Variants in NAV2 observed in about 807,000 individuals in gnomAD.
NAV2 encodes neuron navigator 2.
Under a neutral mutation model 223.2 loss-of-function variants are expected in NAV2, and 54 were observed. That is an observed-to-expected ratio of 0.24 (90% CI 0.19 to 0.30). The LOEUF (loss-of-function observed/expected upper bound fraction) is 0.30, where lower values mean the gene tolerates loss of function less well. Ranked by LOEUF, NAV2 falls within the 10% of genes least tolerant of loss-of-function variation. The pLI is 1.00. For synonymous variants in NAV2, 1,279 were observed against 1,239.3 expected (o/e 1.03, Z -0.67); for missense variants, 2,806 against 3,147.5 (o/e 0.89, Z 2.60).
At chr11:20,052,880 A>G (rs553163601) in intron 17 of NAV2, among the ~76,000 whole-genome samples, 44 of 152,182 alleles carry the variant, frequency 2.9e-4, no homozygotes, top group African/African-American at 1.1e-3. Context: ...GTCACTCCAT[A>G]ATATATAAGT....
intron 1 of NAV2, among the ~76,000 whole-genome samples, chr11:19,401,581 G>A (rs1849687594): frequency 6.6e-6 from 1 of 152,194 alleles, no homozygotes; most frequent in Non-Finnish European, 1.5e-5. Context: ...GCAGTTGAAG[G>A]AGGAATGATC....
intron 1 of NAV2, among the ~76,000 whole-genome samples, chr11:19,826,436 G>A (rs2059641798): frequency 1.3e-5 from 2 of 152,182 alleles, no homozygotes; most frequent in Non-Finnish European, 2.9e-5. Flanking sequence ...TTGCTGAATT[G>A]CTGGACCTGA....
chr11:19,707,262 CT>C (rs1158533067), intron 1 of NAV2, among the ~76,000 whole-genome samples: 3 of 152,220 alleles, frequency 2.0e-5, no homozygotes, highest in Middle Eastern at 3.4e-3. Flanking sequence ...TTAACTGTAA[CT>C]TTTTTACTTT....
chr11:19,609,332 T>G (rs1031588390), intron 1 of NAV2, among the ~76,000 whole-genome samples: 2 of 151,948 alleles, frequency 1.3e-5, no homozygotes, highest in African/African-American at 4.8e-5. Context: ...AATTGAGAGT[T>G]GCAAATTGAG....
intron 10 of NAV2, among the ~76,000 whole-genome samples, chr11:19,980,363 C>T (rs1021913927): frequency 2.0e-5 from 3 of 152,194 alleles, no homozygotes; most frequent in African/African-American, 4.8e-5. Context: ...GTTACCAGCA[C>T]CTCATTAGGC....
At chr11:19,581,216 G>GT (rs1408439148) in intron 1 of NAV2, among the ~76,000 whole-genome samples, 2 of 151,990 alleles carry the variant, frequency 1.3e-5, no homozygotes, top group Non-Finnish European at 1.5e-5. Context: ...ATGTGACTTG[G>GT]TTTTTTTACT....
chr11:19,959,677 C>T (rs903717518), intron 10 of NAV2, among the ~76,000 whole-genome samples: 5 of 152,190 alleles, frequency 3.3e-5, no homozygotes, highest in Non-Finnish European at 5.9e-5. Context: ...TAACATATTT[C>T]ATGCTCTTCC....
intron 2 of NAV2, among the ~76,000 whole-genome samples, chr11:19,839,018 T>A (rs1489745279): frequency 6.6e-6 from 1 of 152,226 alleles, no homozygotes; most frequent in Non-Finnish European, 1.5e-5. Context: ...TTGCGACTTT[T>A]CTGCCATCAT....
chr11:20,014,736 T>C (rs150833177), intron 11 of NAV2, among the ~76,000 whole-genome samples: 3,261 of 152,196 alleles, frequency 0.021, 127 homozygotes, highest in African/African-American at 0.071. Flanking sequence ...ACCCTCTCTC[T>C]ACTAAAAATA....
chr11:19,941,851 A>G (rs2046427014), intron 8 of NAV2, among the ~76,000 whole-genome samples: 1 of 152,138 alleles, frequency 6.6e-6, no homozygotes, highest in Non-Finnish European at 1.5e-5. Context: ...TACATTTCCA[A>G]TCACCGGATA....
chr11:19,966,973 G>A (rs2048820275), intron 10 of NAV2, among the ~76,000 whole-genome samples: 1 of 152,162 alleles, frequency 6.6e-6, no homozygotes, highest in African/African-American at 2.4e-5. Context: ...TGCTGCTGCT[G>A]CTATTAATAA....
intron 1 of NAV2, chr11:19,777,394 A>C: frequency 2.3e-6 from 1 of 438,486 alleles, no homozygotes; most frequent in Non-Finnish European, 4.5e-6. Flanking sequence ...GCGCGCGGGC[A>C]GGTGCTTCGG....
Position 20,045,179 on chromosome 11 carries a change from C to A in NAV2, c.3411C>A (p.Ala1137=), listed in dbSNP as rs991152125. ...CCGCCGGCCTGGCCATGATCACAGC[C>A]AGCGGGGTGACTGTCACCAGCAGGT... ...GSAAGLAMIT[A]SGVTVTSRSA... is the part of the protein sequence containing the mutation. The change falls in exon 14 of 38, where the codon GCC becomes GCA. Residue 1137 remains alanine (A), a synonymous_variant. Transcript: ENST00000349880. 1 of 1,614,162 alleles carries A rather than the reference C, an allele frequency of 6.2e-7. No individual in the cohort carries two copies. The highest frequency in any genetic ancestry group is 1.3e-5 in the African/African-American group (1 of 75,048).
intron 1 of NAV2, among the ~76,000 whole-genome samples, chr11:19,509,839 A>G (rs534458408): frequency 6.7e-6 from 1 of 149,282 alleles, no homozygotes; most frequent in Admixed American, 6.8e-5. Flanking sequence ...TCTCACCCAA[A>G]ACATCCAACT....
chr11:19,551,897 TTC>T (rs59538869), intron 1 of NAV2, among the ~76,000 whole-genome samples: 9,502 of 147,242 alleles, frequency 0.065, 912 homozygotes, highest in African/African-American at 0.21. Flanking sequence ...TCCTCTCCTC[TTC>T]TCTCTCTCTC....
chr11:19,852,347 G>A (rs1022435418), intron 3 of NAV2, among the ~76,000 whole-genome samples: 7 of 152,206 alleles, frequency 4.6e-5, no homozygotes, highest in African/African-American at 1.4e-4. Context: ...ACTGGAAGGT[G>A]CCTCTATTGT....
chr11:19,897,970 A>G (rs542203917), intron 6 of NAV2, among the ~76,000 whole-genome samples: 48 of 150,148 alleles, frequency 3.2e-4, no homozygotes, highest in Admixed American at 5.3e-4. Context: ...CTAGGGCTCC[A>G]GACCAGAATC....
chr11:19,486,623 C>T (rs1258925472), intron 1 of NAV2, among the ~76,000 whole-genome samples: 27 of 152,206 alleles, frequency 1.8e-4, no homozygotes, highest in Admixed American at 1.8e-3. Context: ...TCTCTTTCCA[C>T]CATGATTGTA....
chr11:19,698,058 G>C (rs1043590178), intron 1 of NAV2, among the ~76,000 whole-genome samples: 2 of 152,170 alleles, frequency 1.3e-5, no homozygotes, highest in Non-Finnish European at 2.9e-5. Flanking sequence ...ACAGCACAGG[G>C]CTGAGTGCTG....
Sources: allele counts gnomAD v4.1 joint callset (sites outside exome capture counted in the v4.1 genomes callset), GRCh38; gene constraint gnomAD v4.1.1; transcripts MANE v1.5; gene names NCBI Gene and HGNC (gene_info 2026-07-23, HGNC 2026-07-21).